RAB11FIP3: variants seen among roughly 807,000 people sequenced by gnomAD.
RAB11FIP3 encodes RAB11 family interacting protein 3, also known as rab11 family-interacting protein 3.
RAB11FIP3 carries 17 observed loss-of-function variants against 77.8 expected under a neutral mutation model. The ratio of observed to expected loss-of-function variants is 0.22; its 90% CI spans 0.15 to 0.33. The LOEUF (loss-of-function observed/expected upper bound fraction) is 0.33. Ranked by LOEUF, RAB11FIP3 falls within the 10% of genes least tolerant of loss-of-function variation. RAB11FIP3 has a pLI of 1.00. For missense variants in RAB11FIP3, 1,005 were observed against 1,011.2 expected, an observed-to-expected ratio of 0.99 and a Z score of 0.08; for synonymous variants, 437 against 448.2, an observed-to-expected ratio of 0.98 and a Z score of 0.31.
chr16:431,181 A>T (rs1375999321), intron 1 of RAB11FIP3, among the ~76,000 whole-genome samples: 1 of 151,968 alleles, frequency 6.6e-6, no homozygotes, highest in Non-Finnish European at 1.5e-5. Context: ...GGATGTGTGT[A>T]TGTGGGAGTG....
intron 1 of RAB11FIP3, among the ~76,000 whole-genome samples, chr16:429,651 C>A (rs1016054392): frequency 6.6e-6 from 1 of 152,008 alleles, no homozygotes; most frequent in Non-Finnish European, 1.5e-5. Flanking sequence ...CGGTGCCCGT[C>A]ACCACACCTG....
At chr16:503,142 ACACAGC>A (rs762487852) in intron 7 of RAB11FIP3, 45 bp downstream of exon 7, 41 of 1,502,170 alleles carry the variant, frequency 2.7e-5, no homozygotes, top group Non-Finnish European at 3.7e-5. Context: ...GGGATTTAGA[ACACAGC>A]CACGCCTAAG....
chr16:493,927 A>G lies in RAB11FIP3; in HGVS notation c.1266-2897A>G, dbSNP rs545621104. Among the ~76,000 whole-genome samples the G allele has an allele frequency of 7.5e-4, 105 of 139,736 alleles. 4 individuals are homozygous for G. The highest frequency in any genetic ancestry group is 1.5e-3 in the Non-Finnish European group (101 of 65,718). The allele number at this position is 139,736 out of a possible 152,430, so 91.7% of individuals were successfully genotyped here. ...ATATTATCTTTTTCTTTTTTGAGACAGAGTCTCGATCTGTCACCCAGGCTG... is the reference window on the plus strand; with the variant it reads ...ATATTATCTTTTTCTTTTTTGAGACGGAGTCTCGATCTGTCACCCAGGCTG... On this transcript the variant is annotated intron_variant, in intron 5 of 13. Coordinates refer to ENST00000262305, the MANE Select transcript of RAB11FIP3 (RefSeq NM_014700.4).
At chr16:446,621 G>T (rs1212276326) in intron 1 of RAB11FIP3, among the ~76,000 whole-genome samples, 1 of 152,190 alleles carries the variant, frequency 6.6e-6, no homozygotes, top group African/African-American at 2.4e-5. Context: ...ACAGAGACAT[G>T]TTGACCTGTT....
intron 1 of RAB11FIP3, among the ~76,000 whole-genome samples, chr16:450,853 C>A (rs972828735): frequency 3.8e-4 from 53 of 140,074 alleles, no homozygotes; most frequent in African/African-American, 1.3e-3. Flanking sequence ...CCCACCCCAC[C>A]CCACCCTTAG....
chr16:489,705 A>G (rs1042596021), intron 5 of RAB11FIP3, among the ~76,000 whole-genome samples: 1 of 152,214 alleles, frequency 6.6e-6, no homozygotes, highest in Admixed American at 6.5e-5. Flanking sequence ...AGCAGCCACA[A>G]GAGTCTTCCC....
Position 436,182 on chromosome 16 carries a change from C to T in RAB11FIP3, c.714+9462C>T, listed in dbSNP as rs190491331. Among the ~76,000 whole-genome samples the T allele has an allele frequency of 8.2e-3, 1,241 of 152,192 alleles. 18 individuals carry two copies. Among genetic ancestry groups the T allele is most frequent in the African/African-American group, 0.028 (1,179 of 41,526 alleles). On this transcript the variant is annotated intron_variant, in intron 1 of 13. Coordinates refer to ENST00000262305, the MANE Select transcript of RAB11FIP3 (RefSeq NM_014700.4). ...AAAATTAGCCGGGCGTGGTGGCAGGCGCCTGTAATTCCAGCTACTCGGGGG... is the reference window on the plus strand; with the variant it reads ...AAAATTAGCCGGGCGTGGTGGCAGGTGCCTGTAATTCCAGCTACTCGGGGG...
At chr16:511,475 T>C (rs1263808768) in intron 9 of RAB11FIP3, among the ~76,000 whole-genome samples, 13 of 74,372 alleles carry the variant, frequency 1.7e-4, no homozygotes, top group Admixed American at 7.2e-4. Context: ...ACCTGCCGGC[T>C]AGGTAGGAGA....
chr16:441,425 CG>C (rs1303274038), intron 1 of RAB11FIP3, among the ~76,000 whole-genome samples: 2 of 152,166 alleles, frequency 1.3e-5, no homozygotes, highest in African/African-American at 4.8e-5. Context: ...CATGTTCTCA[CG>C]GGGGGTGAGT....
At chr16:519,087 A>G (rs2032553199) in intron 10 of RAB11FIP3, 63 bp downstream of exon 10, 2 of 1,523,180 alleles carry the variant, frequency 1.3e-6, no homozygotes. Flanking sequence ...CCTGTGGGGC[A>G]GCTGAGGTAG....
At chr16:518,320 A>G (rs1439013926) in intron 9 of RAB11FIP3, among the ~76,000 whole-genome samples, 2 of 152,138 alleles carry the variant, frequency 1.3e-5, no homozygotes, top group Non-Finnish European at 2.9e-5. Context: ...GGCCCAAGCA[A>G]TCCTCCCGCA....
chr16:448,345 T>C (rs932270893), intron 1 of RAB11FIP3, among the ~76,000 whole-genome samples: 4 of 151,586 alleles, frequency 2.6e-5, no homozygotes, highest in Admixed American at 6.6e-5. Flanking sequence ...GGCTCATGCC[T>C]GTAATCCTAG....
rs2032742612 is a variant in RAB11FIP3 at position 522,407 on chromosome 16, T to C, written c.*1568T>C. ...AGTGTGGGAAACGCTCCTGCTTTAA[T>C]TCCCCGAGAAACGGCTCTTCCTGCC... is the stretch of plus-strand genomic sequence containing the variant. On this transcript the variant is annotated 3_prime_UTR_variant, in exon 14 of 14. Transcript: ENST00000262305. The C allele has an allele frequency of 6.6e-6, 1 of 151,980 alleles. No individual in the cohort carries two copies. The highest frequency in any genetic ancestry group is 2.1e-4 in the South Asian group (1 of 4,820). 9.4% of individuals were successfully genotyped at this position (151,980 alleles called of 1,614,324 possible).
At chr16:439,153 C>T (rs759611889) in intron 1 of RAB11FIP3, 1 of 152,210 alleles carries the variant, frequency 6.6e-6, no homozygotes, top group Non-Finnish European at 1.5e-5. Flanking sequence ...ACTTGGCTTT[C>T]AAAAGTTCTT....
At position 482,754 on chromosome 16, in the gene RAB11FIP3, G is replaced by A. The variant is rs553983462; in HGVS notation, c.1115+18G>A. ...CCAGGCAGGTCTGTACCCCGCCACGGGCCTCCTGGAGAGGCCTTGGGATGT... is the reference window on the plus strand; with the variant it reads ...CCAGGCAGGTCTGTACCCCGCCACGAGCCTCCTGGAGAGGCCTTGGGATGT... On this transcript the variant is annotated intron_variant, in intron 4 of 13. Coordinates refer to ENST00000262305, the MANE Select transcript of RAB11FIP3 (RefSeq NM_014700.4). The A allele has an allele frequency of 1.3e-5, 20 of 1,575,680 alleles. No homozygotes were observed. In the South Asian group the frequency reaches 1.8e-4, roughly 14 times the overall value.
rs367955218 is a variant in RAB11FIP3 at position 503,200 on chromosome 16, G to A, written c.1395+103G>A. 1.4e-3 allele frequency: 1,207 copies of A among 882,636 alleles called. 23 individuals carry two copies. In the South Asian group the frequency reaches 0.02, roughly 14 times the overall value. 54.7% of individuals were successfully genotyped at this position (882,636 alleles called of 1,614,324 possible). On this transcript the variant is annotated intron_variant, in intron 7 of 13. Transcript: ENST00000262305. ...CCGGGAGGTGGGGACAGCACAGCCG[G>A]AGGTGACCCCATGTCCTCCAGGGCT... is the stretch of plus-strand genomic sequence containing the variant.
In RAB11FIP3 at chr16:431,142, T is replaced by A. The variant is rs544720210; in HGVS notation, c.714+4422T>A. On this transcript the variant is annotated intron_variant, in intron 1 of 13. Transcript: ENST00000262305. The stretch of plus-strand genomic sequence containing the variant: ...TGTGTAATATGTGTGTGCGGTGAGA[T>A]GTGTGGGAGCATGTGTCTGCAGGAT... Among the ~76,000 whole-genome samples, 4 of 152,174 alleles carry A rather than the reference T, an allele frequency of 2.6e-5. No homozygotes were observed. In the South Asian group the frequency reaches 8.3e-4, roughly 32 times the overall value.
At chr16:477,440 C>G (rs2055938708) in intron 3 of RAB11FIP3, among the ~76,000 whole-genome samples, 4 of 152,308 alleles carry the variant, frequency 2.6e-5, no homozygotes, top group Admixed American at 2.0e-4. Context: ...GGCAACTGCC[C>G]TCAAACCGTC....
At chr16:497,367 T>C in intron 6 of RAB11FIP3, 1 of 1,301,914 alleles carries the variant, frequency 7.7e-7, no homozygotes, top group Non-Finnish European at 1.0e-6. Flanking sequence ...TGCCAGTTCT[T>C]ACCGAAATAA....
Sources: gnomAD v4.1 joint callset for allele counts (sites outside exome capture counted in the v4.1 genomes callset) on GRCh38, gnomAD v4.1.1 for gene constraint, MANE v1.5 for transcripts, NCBI Gene and HGNC (gene_info 2026-07-23, HGNC 2026-07-21) for gene names.